The following C12orf42 variants were observed in gnomAD, a reference collection of about 807,000 sequenced individuals.
C12orf42 encodes the protein uncharacterized protein C12orf42.
C12orf42 carries 25 observed loss-of-function variants against 21.6 expected under a neutral mutation model. The observed-to-expected ratio is 1.16, with a 90% CI of 0.84 to 1.62. C12orf42 has a LOEUF of 1.62. Among genes scored for constraint, C12orf42 ranks in the 40% most tolerant of loss-of-function variants. C12orf42 has a pLI of 0.00. For synonymous variants in C12orf42, 174 were observed against 175.0 expected, an observed-to-expected ratio of 0.99 and a Z score of 0.05; for missense variants, 483 against 459.3, an observed-to-expected ratio of 1.05 and a Z score of -0.47.
intron 3 of C12orf42, among the ~76,000 whole-genome samples, chr12:103,374,552 T>C (rs555580969): frequency 1.5e-3 from 236 of 152,264 alleles, no homozygotes; most frequent in African/African-American, 5.3e-3. Context: ...TCTGTATTTG[T>C]GAGATGAGGG....
intron 2 of C12orf42, among the ~76,000 whole-genome samples, chr12:103,449,654 C>A (rs954544991): frequency 6.6e-6 from 1 of 151,730 alleles, no homozygotes; most frequent in Non-Finnish European, 1.5e-5. Context: ...TCTCTATAAT[C>A]GTGTTTTAAT....
chr12:103,434,425 G>C (rs180876488), intron 2 of C12orf42, among the ~76,000 whole-genome samples: 7 of 151,050 alleles, frequency 4.6e-5, no homozygotes, highest in South Asian at 2.1e-4. Context: ...GAACAGCTCC[G>C]GTCTACAGCT....
chr12:103,540,997 G>A, the C12orf42 span, among the ~76,000 whole-genome samples: 4 of 151,922 alleles, frequency 2.6e-5, no homozygotes, highest in African/African-American at 9.7e-5. Flanking sequence ...TCTGCCTCCC[G>A]GGTTCAAGCG....
chr12:103,250,056 CATCTATCT>C (rs3063670), intron 10 of C12orf42, among the ~76,000 whole-genome samples: 9,126 of 148,096 alleles, frequency 0.062, 419 homozygotes, highest in Middle Eastern at 0.11. Flanking sequence ...AAATCAAAGA[CATCTATCT>C]ATCTATCTAT....
intron 2 of C12orf42, among the ~76,000 whole-genome samples, chr12:103,403,157 C>T (rs779923538): frequency 2.0e-5 from 3 of 151,956 alleles, no homozygotes; most frequent in Non-Finnish European, 4.4e-5. Context: ...GGGCGGATCA[C>T]GAGGTCAGGA....
chr12:103,090,816 C>A, the C12orf42 span, among the ~76,000 whole-genome samples: 4 of 151,988 alleles, frequency 2.6e-5, no homozygotes, highest in African/African-American at 9.7e-5. Flanking sequence ...AAAGCAGAGA[C>A]TTAAAAATCA....
chr12:103,343,603 A>G (rs553338683), intron 4 of C12orf42, among the ~76,000 whole-genome samples: 2 of 152,032 alleles, frequency 1.3e-5, no homozygotes, highest in South Asian at 4.2e-4. Flanking sequence ...ACATGGTGAA[A>G]CCCCGTTTCT....
the C12orf42 span, among the ~76,000 whole-genome samples, chr12:103,521,598 T>C: frequency 3.9e-5 from 6 of 152,292 alleles, no homozygotes; most frequent in South Asian, 8.3e-4. Context: ...ACCTAGGTGA[T>C]GGGTTGATAG....
chr12:103,426,634 A>G (rs988290976), intron 2 of C12orf42, among the ~76,000 whole-genome samples: 2 of 152,188 alleles, frequency 1.3e-5, no homozygotes, highest in African/African-American at 4.8e-5. Flanking sequence ...ACTCCTCAAG[A>G]AGAGCAACCC....
the C12orf42 span, among the ~76,000 whole-genome samples, chr12:103,104,883 C>T: frequency 6.6e-6 from 1 of 152,214 alleles, no homozygotes; most frequent in Non-Finnish European, 1.5e-5. Flanking sequence ...GTCATCTTCA[C>T]ACACAAGGTC....
At chr12:103,057,667 T>C in the C12orf42 span, among the ~76,000 whole-genome samples, 1 of 152,112 alleles carries the variant, frequency 6.6e-6, no homozygotes, top group Non-Finnish European at 1.5e-5. Context: ...AACATACATG[T>C]GCATGTGTCT....
the C12orf42 span, among the ~76,000 whole-genome samples, chr12:103,553,414 G>A: frequency 6.6e-6 from 1 of 152,050 alleles, no homozygotes; most frequent in South Asian, 2.1e-4. Flanking sequence ...CTTAAAACAA[G>A]GAAACAGCTT....
intron 4 of C12orf42, among the ~76,000 whole-genome samples, chr12:103,281,915 A>AAAAG (rs3063699): frequency 0.23 from 32,833 of 141,690 alleles, 3,854 homozygotes; most frequent in Middle Eastern, 0.28. Flanking sequence ...AGAAGAAAGA[A>AAAAG]AAAGAAAGAA....
chr12:103,458,891 C>A (rs1952493480), intron 2 of C12orf42, among the ~76,000 whole-genome samples: 2 of 151,356 alleles, frequency 1.3e-5, no homozygotes, highest in Admixed American at 6.6e-5. Context: ...ACTAGAATAA[C>A]AGAATGACCT....
At chr12:103,352,993 C>T (rs1336294373) in intron 4 of C12orf42, among the ~76,000 whole-genome samples, 1 of 152,170 alleles carries the variant, frequency 6.6e-6, no homozygotes, top group East Asian at 1.9e-4. Context: ...AAAGTTGAGA[C>T]AAATGCATAC....
At chr12:103,199,409 GC>G in the C12orf42 span, among the ~76,000 whole-genome samples, 1 of 151,998 alleles carries the variant, frequency 6.6e-6, no homozygotes, top group Non-Finnish European at 1.5e-5. Context: ...ACTGATGTTG[GC>G]AATAATTTTT....
chr12:103,144,481 A>G, the C12orf42 span, among the ~76,000 whole-genome samples: 1 of 152,202 alleles, frequency 6.6e-6, no homozygotes, highest in African/African-American at 2.4e-5. Context: ...CCCTTAATGA[A>G]AAATGAGATA....
the C12orf42 span, among the ~76,000 whole-genome samples, chr12:103,212,939 C>CAT: frequency 2.5e-3 from 370 of 149,316 alleles, no homozygotes; most frequent in African/African-American, 7.4e-3. Flanking sequence ...ACACGCACTA[C>CAT]ATATATATAT....
At chr12:103,185,829 C>T in the C12orf42 span, among the ~76,000 whole-genome samples, 1 of 152,188 alleles carries the variant, frequency 6.6e-6, no homozygotes, top group Non-Finnish European at 1.5e-5. Context: ...GATTCTGAGG[C>T]CTCCTCAAGC....
Sources: gnomAD v4.1 joint callset for allele counts (sites outside exome capture counted in the v4.1 genomes callset) on GRCh38, gnomAD v4.1.1 for gene constraint, MANE v1.5 for transcripts, NCBI Gene and HGNC (gene_info 2026-07-23, HGNC 2026-07-21) for gene names.